IGSF11: variants seen among roughly 807,000 people sequenced by gnomAD.
IGSF11 encodes the protein immunoglobulin superfamily member 11.
Under a neutral mutation model 41.0 loss-of-function variants are expected in IGSF11, and 22 were observed. The ratio of observed to expected loss-of-function variants is 0.54; its 90% CI spans 0.38 to 0.77. The LOEUF is 0.77. Among genes scored for constraint, IGSF11 ranks in the 30% least tolerant of loss-of-function variants. IGSF11 has a pLI of 0.00. For missense variants in IGSF11, 444 were observed against 530.8 expected, an observed-to-expected ratio of 0.84 and a Z score of 1.61; for synonymous variants, 219 against 201.3, an observed-to-expected ratio of 1.09 and a Z score of -0.74.
intron 4 of IGSF11, among the ~76,000 whole-genome samples, 189 bp from the exon 5 acceptor site, chr3:118,905,907 C>A (rs145528961): frequency 1.3e-5 from 2 of 152,218 alleles, no homozygotes; most frequent in East Asian, 1.9e-4. Flanking sequence ...ACTTTAAAGA[C>A]CTGGAACTTT....
rs527926542 is a variant in IGSF11, at chr3:119,010,286, C to T, written c.52+24245G>A. On this transcript the variant is annotated intron_variant, in intron 1 of 6. Transcript: ENST00000393775. Reference sequence around the variant, plus strand: ...AGCTGGTATTCCCCAGCAACCTTCTCACTCCACTGTCTTGTTTAAAAGGAA... The same window carrying T: ...AGCTGGTATTCCCCAGCAACCTTCTTACTCCACTGTCTTGTTTAAAAGGAA... Among the ~76,000 whole-genome samples, 15 of 152,310 alleles carry T rather than the reference C, an allele frequency of 9.8e-5. No individual in the cohort carries two copies. In the East Asian group the frequency reaches 2.7e-3, roughly 27 times the overall value.
At chr3:119,074,437 C>T (rs774400805) in intron 1 of IGSF11, among the ~76,000 whole-genome samples, 18 of 151,984 alleles carry the variant, frequency 1.2e-4, no homozygotes, top group Non-Finnish European at 2.2e-4. Context: ...AAAATTAATG[C>T]AGAAATCAAC....
chr3:119,134,063 C>T (rs903726097), intron 1 of IGSF11, among the ~76,000 whole-genome samples: 1 of 152,186 alleles, frequency 6.6e-6, no homozygotes, highest in African/African-American at 2.4e-5. Context: ...TGGAACACAT[C>T]TCAAAATAAT....
At chr3:119,115,403 C>T (rs898230607) in intron 1 of IGSF11, among the ~76,000 whole-genome samples, 1 of 152,208 alleles carries the variant, frequency 6.6e-6, no homozygotes, top group Non-Finnish European at 1.5e-5. Flanking sequence ...ACATCCTTGG[C>T]AGCATTTGTT....
At chr3:119,083,189 G>C (rs2076612445) in intron 1 of IGSF11, among the ~76,000 whole-genome samples, 1 of 147,092 alleles carries the variant, frequency 6.8e-6, no homozygotes, top group Non-Finnish European at 1.5e-5. Flanking sequence ...GTGGAGTGCA[G>C]TGGCATGATC....
At chr3:119,122,032 A>G (rs765639522) in intron 1 of IGSF11, among the ~76,000 whole-genome samples, 4 of 152,174 alleles carry the variant, frequency 2.6e-5, no homozygotes, top group Non-Finnish European at 2.9e-5. Flanking sequence ...ATTGTCCCTC[A>G]TGTAGGAACA....
intron 1 of IGSF11, among the ~76,000 whole-genome samples, chr3:118,986,854 TC>T (rs1344117591): frequency 1.3e-5 from 2 of 152,204 alleles, no homozygotes; most frequent in East Asian, 1.9e-4. Flanking sequence ...TTCTAAGTTC[TC>T]CTCCAGTCTC....
At chr3:118,930,708 G>A (rs1317386388) in intron 1 of IGSF11, among the ~76,000 whole-genome samples, 1 of 152,160 alleles carries the variant, frequency 6.6e-6, no homozygotes, top group African/African-American at 2.4e-5. Context: ...TACAAGAAGA[G>A]TATACAATGC....
chr3:119,091,244 C>T (rs2076756333), intron 1 of IGSF11, among the ~76,000 whole-genome samples: 1 of 152,172 alleles, frequency 6.6e-6, no homozygotes, highest in Non-Finnish European at 1.5e-5. Flanking sequence ...AACACTTCTA[C>T]TTTGTTGATA....
intron 1 of IGSF11, among the ~76,000 whole-genome samples, chr3:118,954,394 TG>T (rs1379635748): frequency 1.3e-5 from 2 of 152,104 alleles, no homozygotes; most frequent in Admixed American, 1.3e-4. Context: ...AAGGCTTTTT[TG>T]GGGGGTTCCA....
chr3:118,980,158 C>G (rs1934564440), intron 1 of IGSF11, among the ~76,000 whole-genome samples: 1 of 152,174 alleles, frequency 6.6e-6, no homozygotes, highest in African/African-American at 2.4e-5. Context: ...TACAATCCAG[C>G]AATCCCACTA....
chr3:118,922,291 A>G (rs1941877213), intron 4 of IGSF11, among the ~76,000 whole-genome samples: 1 of 152,176 alleles, frequency 6.6e-6, no homozygotes, highest in Non-Finnish European at 1.5e-5. Flanking sequence ...TTATTGAAGC[A>G]CAATTGACTA....
intron 4 of IGSF11, among the ~76,000 whole-genome samples, chr3:118,905,923 G>T (rs148820290): frequency 5.9e-5 from 9 of 152,064 alleles, no homozygotes; most frequent in Admixed American, 4.6e-4. Flanking sequence ...ACTTTGGAGC[G>T]CTGTCCTAAA....
At chr3:119,097,827 G>T (rs1196978293) in intron 1 of IGSF11, among the ~76,000 whole-genome samples, 2 of 151,902 alleles carry the variant, frequency 1.3e-5, no homozygotes, top group Non-Finnish European at 2.9e-5. Flanking sequence ...GTCTTGCTCT[G>T]TCACCCAGGC....
intron 1 of IGSF11, among the ~76,000 whole-genome samples, chr3:119,093,000 A>G (rs1016583396): frequency 1.3e-5 from 2 of 152,224 alleles, no homozygotes; most frequent in Middle Eastern, 3.2e-3. Context: ...GGTTTGTGTC[A>G]GTACACTGTA....
At position 118,900,565 on chromosome 3, in the gene IGSF11, C is replaced by G. The variant is rs1157008103; in HGVS notation, c.*1955G>C. On this transcript the variant is annotated 3_prime_UTR_variant, in exon 7 of 7. Transcript: ENST00000393775. ...TAACAGGATGGAGAAAATCTTGTAA[C>G]ATTAAAGAGAATACTAAGTTTTAAA... The G allele has an allele frequency of 3.9e-5, 6 of 152,370 alleles. No homozygotes were observed. Among genetic ancestry groups the G allele is most frequent in the Non-Finnish European group, 8.8e-5 (6 of 68,018 alleles). 9.4% of individuals were successfully genotyped at this position (152,370 alleles called of 1,614,324 possible).
chr3:118,930,909 A>G (rs763859733), intron 1 of IGSF11, among the ~76,000 whole-genome samples: 35 of 152,218 alleles, frequency 2.3e-4, no homozygotes, highest in Non-Finnish European at 4.4e-4. Context: ...AAGAACTAGA[A>G]TAGCCAAAAG....
At chr3:118,979,243 A>C (rs1293770195) in intron 1 of IGSF11, among the ~76,000 whole-genome samples, 1 of 152,190 alleles carries the variant, frequency 6.6e-6, no homozygotes, top group Non-Finnish European at 1.5e-5. Context: ...TAAACAAATA[A>C]GAGCAAAGCC....
chr3:119,063,440 T>C (rs539241805), intron 1 of IGSF11, among the ~76,000 whole-genome samples: 70 of 152,322 alleles, frequency 4.6e-4, no homozygotes, highest in African/African-American at 1.7e-3. Flanking sequence ...AATTTTCCCT[T>C]TTGAGGACAA....
Sources: allele counts gnomAD v4.1 joint callset (sites outside exome capture counted in the v4.1 genomes callset), GRCh38; gene constraint gnomAD v4.1.1; transcripts MANE v1.5; gene names NCBI Gene and HGNC (gene_info 2026-07-23, HGNC 2026-07-21).